The following CTNNA2 variants were observed in gnomAD, a reference collection of about 807,000 sequenced individuals.
CTNNA2 encodes the protein catenin alpha 2.
In CTNNA2, 42 loss-of-function variants were observed where a neutral mutation model predicts 101.0. The ratio of observed to expected loss-of-function variants is 0.42; its 90% CI spans 0.32 to 0.54. The LOEUF is 0.54. Ranked by LOEUF, CTNNA2 falls within the 20% of genes least tolerant of loss-of-function variation. CTNNA2 has a pLI of 0.14. For synonymous variants in CTNNA2, 450 were observed against 456.4 expected (o/e 0.99, Z 0.18); for missense variants, 871 against 1,223.1 (o/e 0.71, Z 4.29).
rs576805410 is a variant in CTNNA2 at position 79,427,581 on chromosome 2, C to G, written c.-135+53568C>G. ...TCTGTGATCTATGAAACCAACTGAC[C>G]CTGAATCTTCCAGTCTCTAGGAACG... On this transcript the variant is annotated intron_variant, in intron 4 of 21. Coordinates refer to the CTNNA2 transcript ENST00000466387. Among the ~76,000 whole-genome samples the G allele has an allele frequency of 3.3e-5, 5 of 151,364 alleles. No homozygotes were observed. The South Asian group carries it at 6.3e-4, about 19-fold the overall frequency.
At chr2:80,494,484 G>T (rs74466640) in intron 9 of CTNNA2, among the ~76,000 whole-genome samples, 3,748 of 152,128 alleles carry the variant, frequency 0.025, 120 homozygotes, top group African/African-American at 0.071. Flanking sequence ...ATGCATGGTG[G>T]GGGGGACTAT....
chr2:80,211,373 C>A (rs1707879164), intron 7 of CTNNA2, among the ~76,000 whole-genome samples: 2 of 152,008 alleles, frequency 1.3e-5, no homozygotes, highest in African/African-American at 4.8e-5. Flanking sequence ...GTCTTTAATC[C>A]ATCTTGAGTT....
At chr2:80,210,482 C>T (rs903807977) in intron 7 of CTNNA2, among the ~76,000 whole-genome samples, 20 of 151,950 alleles carry the variant, frequency 1.3e-4, no homozygotes, top group African/African-American at 3.4e-4. Context: ...TCTGTCCTTG[C>T]GATAGTTTGC....
rs554273816 is a variant in CTNNA2 at position 79,743,307 on chromosome 2, G to T, written c.103-1080G>T. ...TTCAGAAGTTTATAGGAGATAACAT[G>T]TTGCTCAAAAGATATTAATAGCCTT... On this transcript the variant is annotated intron_variant, in intron 2 of 18. Transcript: ENST00000402739. 1.3e-4 allele frequency among the ~76,000 whole-genome samples: 20 copies of T among 152,204 alleles called. No individual in the cohort carries two copies. The South Asian group carries it at 4.2e-3, about 32-fold the overall frequency.
chr2:80,050,961 G>A lies in CTNNA2; in HGVS notation c.1056+141164G>A, dbSNP rs991592120. Among the ~76,000 whole-genome samples the A allele has an allele frequency of 2.0e-5, 3 of 152,216 alleles. No individual in the cohort carries two copies. The East Asian group carries it at 5.8e-4, about 30-fold the overall frequency. On this transcript the variant is annotated intron_variant, in intron 7 of 18. Transcript: ENST00000402739. ...TGTTCTAGAACTCTTGGGCTCAAGCGATTCTCCTGCCTCCTCAGCTTCCCC... is the reference window on the plus strand; with the variant it reads ...TGTTCTAGAACTCTTGGGCTCAAGCAATTCTCCTGCCTCCTCAGCTTCCCC...
chr2:79,313,752 AT>A (rs1233582741), intron 3 of CTNNA2, among the ~76,000 whole-genome samples: 2 of 152,124 alleles, frequency 1.3e-5, no homozygotes, highest in African/African-American at 4.8e-5. Flanking sequence ...AGAGGGTAGC[AT>A]TGCTCTGAGG....
At chr2:80,475,835 A>G (rs1685686210) in intron 9 of CTNNA2, among the ~76,000 whole-genome samples, 1 of 152,088 alleles carries the variant, frequency 6.6e-6, no homozygotes, top group Non-Finnish European at 1.5e-5. Context: ...AAGGGGAAAG[A>G]AAAAACAGAA....
intron 18 of CTNNA2, among the ~76,000 whole-genome samples, chr2:80,638,325 G>C (rs199711351): frequency 2.4e-5 from 1 of 40,858 alleles, no homozygotes; most frequent in Non-Finnish European, 4.8e-5. Context: ...TCCCAATTAT[G>C]GGGGGGGTGC....
intron 9 of CTNNA2, among the ~76,000 whole-genome samples, chr2:80,505,934 G>A (rs957160035): frequency 1.3e-5 from 2 of 152,182 alleles, no homozygotes; most frequent in African/African-American, 2.4e-5. Flanking sequence ...GCAGCCTCAA[G>A]GGATATGTGG....
intron 6 of CTNNA2, among the ~76,000 whole-genome samples, chr2:79,897,293 G>GGAT (rs1208495826): frequency 6.8e-6 from 1 of 146,534 alleles, no homozygotes; most frequent in African/African-American, 2.7e-5. Context: ...TGGTTAAGCA[G>GGAT]GATTTTAAGA....
intron 7 of CTNNA2, among the ~76,000 whole-genome samples, chr2:79,984,741 G>T (rs1691641808): frequency 6.6e-6 from 1 of 152,134 alleles, no homozygotes; most frequent in South Asian, 2.1e-4. Flanking sequence ...TGCCATTATT[G>T]CTCCCTGACC....
chr2:80,314,971 G>C (rs938189130), intron 7 of CTNNA2, among the ~76,000 whole-genome samples: 2 of 152,214 alleles, frequency 1.3e-5, no homozygotes, highest in African/African-American at 4.8e-5. Flanking sequence ...TTTAGAAGCT[G>C]TGTGATCTGG....
intron 3 of CTNNA2, among the ~76,000 whole-genome samples, chr2:79,797,519 G>A (rs960749854): frequency 3.3e-5 from 5 of 151,978 alleles, no homozygotes; most frequent in African/African-American, 1.2e-4. Context: ...AAATAGTCAG[G>A]TGTGGTGGTG....
In CTNNA2 at chr2:79,284,855, C is replaced by A. The variant is rs548465525; in HGVS notation, c.-405-27854C>A. 1.4e-4 allele frequency among the ~76,000 whole-genome samples: 20 copies of A among 143,664 alleles called. No individual in the cohort carries two copies. The East Asian group carries it at 4.1e-3, about 30-fold the overall frequency. The allele number at this position is 143,664 out of a possible 152,430, so 94.2% of individuals were successfully genotyped here. On this transcript the variant is annotated intron_variant, in intron 2 of 21. Coordinates refer to the CTNNA2 transcript ENST00000466387. Reference sequence around the variant, plus strand: ...GAATGGTACCAGTTCCTCCTTGTACCTCTGGTAGAATTCGGCTGTGAATCC... The same window carrying A: ...GAATGGTACCAGTTCCTCCTTGTACATCTGGTAGAATTCGGCTGTGAATCC...
At chr2:80,595,967 T>A (rs536452030) in intron 15 of CTNNA2, among the ~76,000 whole-genome samples, 1 of 152,314 alleles carries the variant, frequency 6.6e-6, no homozygotes, top group South Asian at 2.1e-4. Context: ...GTGGCCATTG[T>A]CACAGTATTG....
chr2:79,357,151 G>T (rs919646633), intron 3 of CTNNA2, among the ~76,000 whole-genome samples: 2 of 152,024 alleles, frequency 1.3e-5, no homozygotes, highest in Admixed American at 6.6e-5. Flanking sequence ...ACATAGCAAG[G>T]CCTCATCTGT....
chr2:79,882,191 A>G (rs766718215), intron 6 of CTNNA2, among the ~76,000 whole-genome samples: 3 of 152,110 alleles, frequency 2.0e-5, no homozygotes, highest in South Asian at 2.1e-4. Flanking sequence ...AGTCTGATGG[A>G]CTTCCCTTTG....
chr2:79,762,036 G>T (rs374244758), intron 3 of CTNNA2, among the ~76,000 whole-genome samples: 1 of 152,172 alleles, frequency 6.6e-6, no homozygotes, highest in Admixed American at 6.5e-5. Flanking sequence ...CTTAAGAAAA[G>T]CAAGGCAGAA....
In CTNNA2 at chr2:80,621,707, G is replaced by A. The variant is rs139815806; in HGVS notation, c.2574+2479G>A. 7.0e-3 allele frequency among the ~76,000 whole-genome samples: 1,062 copies of A among 152,032 alleles called. 9 individuals are homozygous for A. The highest frequency in any genetic ancestry group is 0.022 in the African/African-American group (925 of 41,506). On this transcript the variant is annotated intron_variant, in intron 18 of 18. Coordinates refer to ENST00000402739, the MANE Select transcript of CTNNA2 (RefSeq NM_001282597.3). ...ATTGCAGGAAATCCCAGGTGGTTTT[G>A]GAAGGGTTGATAAGTAGGGAATTGG...
Sources: gnomAD v4.1 joint callset for allele counts (sites outside exome capture counted in the v4.1 genomes callset) on GRCh38, gnomAD v4.1.1 for gene constraint, MANE v1.5 for transcripts, NCBI Gene and HGNC (gene_info 2026-07-23, HGNC 2026-07-21) for gene names.